ATG4A: variants seen among roughly 807,000 people sequenced by gnomAD.
ATG4A encodes cysteine protease ATG4A.
ATG4A carries 22 observed loss-of-function variants against 38.4 expected under a neutral mutation model. The ratio of observed to expected loss-of-function variants is 0.57; its 90% CI spans 0.41 to 0.82. The LOEUF (loss-of-function observed/expected upper bound fraction) is 0.82. Among genes scored for constraint, ATG4A ranks in the 40% least tolerant of loss-of-function variants. The pLI, the probability that ATG4A is intolerant of heterozygous loss-of-function variation, is 0.00. For missense variants in ATG4A, 220 were observed against 290.0 expected (o/e 0.76, Z 1.75); for synonymous variants, 86 against 100.7 (o/e 0.85, Z 0.88).
At chrX:108,101,711 A>G (rs1416223673) in intron 1 of ATG4A, among the ~76,000 whole-genome samples, 2 of 109,166 alleles carry the variant, frequency 1.8e-5, no homozygotes, top group African/African-American at 3.3e-5. Context: ...CTGAAACTCT[A>G]TGCTTATTGA....
At chrX:108,096,664 T>A (rs891747597) in intron 1 of ATG4A, among the ~76,000 whole-genome samples, 8 of 110,716 alleles carry the variant, frequency 7.2e-5, no homozygotes, top group Non-Finnish European at 1.5e-4. Flanking sequence ...TTATTTTATT[T>A]TATTATTTTA....
chrX:108,126,732 C>G (rs1332517168), intron 2 of ATG4A: 119 of 973,738 alleles, frequency 1.2e-4, no homozygotes, highest in Non-Finnish European at 1.5e-4. Context: ...GAACTTTTAG[C>G]CACTGCAGCT....
intron 1 of ATG4A, among the ~76,000 whole-genome samples, chrX:108,103,621 C>T (rs749606542): frequency 9.0e-6 from 1 of 111,053 alleles, no homozygotes; most frequent in Non-Finnish European, 1.9e-5. Context: ...CTTTGATTCT[C>T]TTCACACATT....
At chrX:108,089,098 G>A (rs1233680952), upstream of ATG4A, among the ~76,000 whole-genome samples, 2 of 112,475 alleles carry the variant, frequency 1.8e-5, no homozygotes, top group East Asian at 5.5e-4. Context: ...AGTAGAGCAA[G>A]AAACTGATTT....
At chrX:108,121,430 C>T (rs759852751) in intron 1 of ATG4A, among the ~76,000 whole-genome samples, 1 of 111,307 alleles carries the variant, frequency 9.0e-6, no homozygotes, top group South Asian at 3.9e-4. Flanking sequence ...TCCCTACCCA[C>T]CCCCATGGTT....
chrX:108,153,985 A>G lies in ATG4A; in HGVS notation c.*273A>G. 4.0e-6 allele frequency: 1 copy of G among 248,396 alleles called. No individual in the cohort carries two copies. The highest frequency in any genetic ancestry group is 9.6e-5 in the South Asian group (1 of 10,395). 20.5% of individuals were successfully genotyped at this position (248,396 alleles called of 1,213,427 possible). A position where few individuals can be genotyped will look rare whatever the true frequency, so the allele number is the denominator to read the frequency against. On this transcript the variant is annotated 3_prime_UTR_variant, in exon 13 of 13. Transcript: ENST00000372232. The stretch of plus-strand genomic sequence containing the variant: ...TTCATTGCTTCCCAGCTTGTGTTAT[A>G]TGGCTACAGCAAGTCTTCAGCTGCT...
At chrX:108,141,031 CATATATACAT>C (rs1408109794) in intron 9 of ATG4A, among the ~76,000 whole-genome samples, 1 of 54,438 alleles carries the variant, frequency 1.8e-5, no homozygotes, top group African/African-American at 9.6e-5. Context: ...CATATATATA[CATATATACAT>C]ATATATACAT....
At position 108,152,993 on chromosome X, in the gene ATG4A, G is replaced by T. The variant is rs376634565; in HGVS notation, c.1032G>T (p.Glu344Asp). ...CSLVQKEILK[E>D]NLRMFELVQK... is the part of the protein sequence containing the mutation. ...CATCTCCCCAGGAAATTCTAAAGGA[G>T]AATTTAAGGATGTTTGAATTAGTTC... The change falls in exon 12 of 13, where the codon GAG becomes GAT. Residue 344 changes from glutamate to aspartate, a missense_variant. Physicochemically the swap from Glu to Asp is conservative, Grantham distance 45. Around this residue, in one of 3 missense-constraint regions of ATG4A, gnomAD observed 159 missense variants for 188.9 expected, o/e 0.84. Transcript: ENST00000372232. 2 of 1,204,871 alleles carry T rather than the reference G, an allele frequency of 1.7e-6. No homozygotes were observed. Among genetic ancestry groups the T allele is most frequent in the African/African-American group, 1.7e-5 (1 of 57,144 alleles).
At chrX:108,151,127 T>G (rs1044080971) in intron 10 of ATG4A, among the ~76,000 whole-genome samples, 1 of 111,842 alleles carries the variant, frequency 8.9e-6, no homozygotes, top group African/African-American at 3.3e-5. Context: ...ATGCCCTGGG[T>G]GCACACAATC....
intron 4 of ATG4A, 98 bp downstream of exon 4, chrX:108,131,456 A>G: frequency 2.3e-6 from 2 of 857,919 alleles, no homozygotes; most frequent in South Asian, 4.8e-5. Context: ...AACACTCAGT[A>G]ACAAACTTGA....
intron 1 of ATG4A, among the ~76,000 whole-genome samples, chrX:108,105,858 C>T (rs1308849347): frequency 9.0e-6 from 1 of 111,552 alleles, no homozygotes; most frequent in Admixed American, 9.5e-5. Context: ...ATGTTATTTC[C>T]TGGTGCTGAG....
At chrX:108,124,790 A>G (rs2032757189) in intron 1 of ATG4A, among the ~76,000 whole-genome samples, 1 of 112,186 alleles carries the variant, frequency 8.9e-6, no homozygotes, top group Admixed American at 9.4e-5. Context: ...ATTTATATTT[A>G]GGAGCATTTA....
chrX:108,147,037 AT>A (rs745360738), intron 9 of ATG4A, among the ~76,000 whole-genome samples: 5 of 111,323 alleles, frequency 4.5e-5, no homozygotes, highest in Admixed American at 2.9e-4. Context: ...TCAAGCAGTT[AT>A]TTTTGAGTAT....
intron 1 of ATG4A, among the ~76,000 whole-genome samples, chrX:108,116,936 C>T (rs952613808): frequency 1.8e-5 from 2 of 112,115 alleles, no homozygotes; most frequent in Non-Finnish European, 3.8e-5. Flanking sequence ...CTTTATGCCT[C>T]GGATTGACTT....
chrX:108,138,943 G>A (rs2033171009), intron 9 of ATG4A, among the ~76,000 whole-genome samples: 1 of 111,864 alleles, frequency 8.9e-6, no homozygotes, highest in African/African-American at 3.3e-5. Flanking sequence ...CATACCCAGG[G>A]CCTAAACACC....
intron 9 of ATG4A, among the ~76,000 whole-genome samples, chrX:108,147,631 G>C (rs1042693909): frequency 9.0e-6 from 1 of 111,435 alleles, no homozygotes; most frequent in African/African-American, 3.3e-5. Flanking sequence ...TAGAATCCCT[G>C]AGTTCATCAT....
Position 108,131,241 on chromosome X carries a change from C to T in ATG4A, c.194-19C>T. The T allele has an allele frequency of 1.7e-6, 2 of 1,200,959 alleles. No individual in the cohort carries two copies. The highest frequency in any genetic ancestry group is 2.3e-6 in the Non-Finnish European group (2 of 887,110). ...CAATTTGAGGAACCCATATTAATTCCCTTCCATTTTGCCAACAGGTGGAAC... is the reference window on the plus strand; with the variant it reads ...CAATTTGAGGAACCCATATTAATTCTCTTCCATTTTGCCAACAGGTGGAAC... On this transcript the variant is annotated intron_variant, in intron 3 of 12. Coordinates refer to ENST00000372232, the MANE Select transcript of ATG4A (RefSeq NM_052936.5).
At chrX:108,115,431 C>T (rs1298247513) in intron 1 of ATG4A, among the ~76,000 whole-genome samples, 1 of 111,291 alleles carries the variant, frequency 9.0e-6, no homozygotes, top group Non-Finnish European at 1.9e-5. Context: ...CAGGTAATAC[C>T]ACCTCCCAAA....
intron 9 of ATG4A, among the ~76,000 whole-genome samples, chrX:108,143,280 A>G (rs957917236): frequency 8.9e-6 from 1 of 111,739 alleles, no homozygotes; most frequent in Non-Finnish European, 1.9e-5. Flanking sequence ...ATGACTACCT[A>G]CTTTTACTAC....
Sources: allele counts gnomAD v4.1 joint callset (sites outside exome capture counted in the v4.1 genomes callset), GRCh38; gene constraint gnomAD v4.1.1; regional missense constraint gnomAD v4.1.1; transcripts MANE v1.5; gene names NCBI Gene and HGNC (gene_info 2026-07-23, HGNC 2026-07-21).